DMTF1: variants seen among roughly 807,000 people sequenced by gnomAD.
DMTF1 encodes cyclin-D-binding Myb-like transcription factor 1.
A neutral mutation model predicts 91.1 loss-of-function variants in DMTF1; 39 were observed. The ratio of observed to expected loss-of-function variants is 0.43; its 90% confidence interval spans 0.33 to 0.56. The LOEUF (loss-of-function observed/expected upper bound fraction) is 0.56. Among genes scored for constraint, DMTF1 ranks in the 20% least tolerant of loss-of-function variants. DMTF1 has a pLI of 0.05. For synonymous variants in DMTF1, 338 were observed against 309.5 expected (o/e 1.09, Z -0.97); for missense variants, 750 against 914.5 (o/e 0.82, Z 2.32).
intron 4 of DMTF1, among the ~76,000 whole-genome samples, chr7:87,170,255 C>G (rs541867775): frequency 2.5e-4 from 38 of 152,308 alleles, no homozygotes; most frequent in African/African-American, 7.5e-4. Flanking sequence ...TGCCTTCACC[C>G]TAGTCCAAGC....
intron 8 of DMTF1, 55 bp downstream of exon 8, chr7:87,179,757 G>A: frequency 6.8e-7 from 1 of 1,477,628 alleles, no homozygotes; most frequent in East Asian, 2.5e-5. Context: ...AATATTTGAG[G>A]AACTGTCCAT....
chr7:87,195,158 G>A lies in DMTF1; in HGVS notation c.*18G>A, dbSNP rs370181911. ...GTCATTAGAATAATTCTTAGAAATA[G>A]GCAGTTCAAGCAAAGAAGGCACACT... On this transcript the variant is annotated 3_prime_UTR_variant, in exon 18 of 18. Coordinates refer to ENST00000331242, the MANE Select transcript of DMTF1 (RefSeq NM_001142327.2). 3.2e-6 allele frequency: 5 copies of A among 1,559,748 alleles called. No homozygotes were observed. In the South Asian group the frequency reaches 4.5e-5, roughly 14 times the overall value.
At chr7:87,182,876 G>T (rs1797658234) in intron 10 of DMTF1, among the ~76,000 whole-genome samples, 1 of 152,130 alleles carries the variant, frequency 6.6e-6, no homozygotes, top group Non-Finnish European at 1.5e-5. Flanking sequence ...GACCACAAAT[G>T]CCTCTTAATG....
At chr7:87,173,499 T>G in intron 5 of DMTF1, 36 bp from the exon 6 acceptor site, 1 of 1,432,386 alleles carries the variant, frequency 7.0e-7, no homozygotes, top group Non-Finnish European at 9.7e-7. Flanking sequence ...TTTTGTTTTG[T>G]TTTGTTTTGT....
At chr7:87,164,570 AAG>A (rs149431069) in intron 2 of DMTF1, among the ~76,000 whole-genome samples, 1,639 of 152,354 alleles carry the variant, frequency 0.011, 26 homozygotes, top group African/African-American at 0.037. Context: ...CTTAAAGAAA[AAG>A]AAGTTAAGTA....
In DMTF1 at chr7:87,173,544, A is replaced by C; in HGVS notation, c.337A>C (p.Asn113His). The C allele has an allele frequency of 1.2e-6, 2 of 1,602,098 alleles. No individual in the cohort carries two copies. The highest frequency in any genetic ancestry group is 2.2e-5 in the East Asian group (1 of 44,480). Residue 113 changes from asparagine to histidine, a missense_variant, in exon 6 of 18, where the codon AAT (asparagine) becomes CAT (histidine). Transcript: ENST00000331242. ...CTTTTACCTTTTCAAGATTTTGCAG[A>C]ATGAGCAACTAGATGAAATATCTCC... is the stretch of plus-strand genomic sequence containing the variant. ...GTVTQIQILQ[N>H]EQLDEISPLG...
rs1789374328 is a variant in DMTF1, at chr7:87,152,477, C to G, written c.-210C>G. 1 of 153,352 alleles carries G rather than the reference C, an allele frequency of 6.5e-6. No homozygotes were observed. Among genetic ancestry groups the G allele is most frequent in the Non-Finnish European group, 1.5e-5 (1 of 68,150 alleles). The allele number at this position is 153,352 out of a possible 1,614,324, so 9.5% of individuals were successfully genotyped here. ...CACTCCAGCTGCAGCCACTCTCGCC[C>G]GTGGCTGCTTCCTCCATCCTGGTAT... On this transcript the variant is annotated 5_prime_UTR_variant, in exon 1 of 18. Coordinates refer to ENST00000331242, the MANE Select transcript of DMTF1 (RefSeq NM_001142327.2).
In DMTF1 at chr7:87,184,740, T is replaced by C. The variant is rs183459322; in HGVS notation, c.1049+115T>C. ...TAGTGTCTGAAAAGTATCCTTTCCATAGAGCACTACTGTTTAAGATCTTAA... is the reference window on the plus strand; with the variant it reads ...TAGTGTCTGAAAAGTATCCTTTCCACAGAGCACTACTGTTTAAGATCTTAA... On this transcript the variant is annotated intron_variant, in intron 11 of 17. Transcript: ENST00000331242. 7.1e-5 allele frequency: 60 copies of C among 844,792 alleles called. No individual in the cohort carries two copies. In the East Asian group the frequency reaches 1.1e-3, roughly 15 times the overall value. The allele number at this position is 844,792 out of a possible 1,614,324, so 52.3% of individuals were successfully genotyped here.
intron 1 of DMTF1, among the ~76,000 whole-genome samples, chr7:87,158,993 G>A (rs1168290930): frequency 6.6e-6 from 1 of 152,022 alleles, no homozygotes. Flanking sequence ...CAGATTACAA[G>A]AAATGTTTCC....
chr7:87,184,420 A>G lies in DMTF1; in HGVS notation c.844A>G (p.Lys282Glu). ...AGGGAAGTGGACAGAAGAAGAAGAA[A>G]AGAGACTTGCAGAAGTGGTTCATGA... ...NTGKWTEEEEKRLAEVVHELT... is the reference protein window; with the variant it reads ...NTGKWTEEEEERLAEVVHELT... Residue 282 changes from lysine to glutamate, a missense_variant, in exon 11 of 18, where the codon AAG becomes GAG. Around this residue, in one of 3 missense-constraint regions of DMTF1, gnomAD observed 190 missense variants for 343.8 expected, o/e 0.55. Coordinates refer to ENST00000331242, the MANE Select transcript of DMTF1 (RefSeq NM_001142327.2). 6.2e-7 allele frequency: 1 copy of G among 1,613,842 alleles called. No homozygotes were observed. The highest frequency in any genetic ancestry group is 8.5e-7 in the Non-Finnish European group (1 of 1,179,852).
At chr7:87,193,100 G>A (rs1800262869) in intron 14 of DMTF1, 98 bp from the exon 15 acceptor site, 3 of 1,284,808 alleles carry the variant, frequency 2.3e-6, no homozygotes, top group East Asian at 2.4e-5. Context: ...CCTTCACAAT[G>A]GGTAAGTACA....
intron 8 of DMTF1, among the ~76,000 whole-genome samples, 193 bp downstream of exon 8, chr7:87,179,895 C>T (rs553104981): frequency 1.8e-4 from 28 of 152,230 alleles, no homozygotes; most frequent in African/African-American, 6.7e-4. Context: ...ATCTAATTCA[C>T]TTTATATAGG....
At chr7:87,163,812 T>C (rs1730064431) in intron 2 of DMTF1, among the ~76,000 whole-genome samples, 195 bp downstream of exon 2, 1 of 152,330 alleles carries the variant, frequency 6.6e-6, no homozygotes, top group African/African-American at 2.4e-5. Context: ...GTTAATATAT[T>C]TAAGTTTTTG....
At chr7:87,183,019 G>C (rs1157894442) in intron 10 of DMTF1, among the ~76,000 whole-genome samples, 2 of 151,978 alleles carry the variant, frequency 1.3e-5, no homozygotes, top group South Asian at 4.1e-4. Context: ...TAGAGTAGGT[G>C]GTCTCATAGT....
At chr7:87,173,683 A>G (rs1795615578) in intron 6 of DMTF1, 34 bp downstream of exon 6, 1 of 1,370,972 alleles carries the variant, frequency 7.3e-7, no homozygotes, top group Non-Finnish European at 1.0e-6. Context: ...GTGCCTAGTG[A>G]AAAAAAATGG....
chr7:87,171,438 A>G (rs2129096943), intron 5 of DMTF1, among the ~76,000 whole-genome samples: 1 of 152,290 alleles, frequency 6.6e-6, no homozygotes, highest in South Asian at 2.1e-4. Context: ...CCCCTCAGAA[A>G]TAGTCTGTTT....
intron 10 of DMTF1, among the ~76,000 whole-genome samples, chr7:87,184,169 G>A (rs1797939973): frequency 6.6e-6 from 1 of 152,068 alleles, no homozygotes; most frequent in Non-Finnish European, 1.5e-5. Context: ...TTCATAATTG[G>A]TCAGTGCTTT....
chr7:87,184,888 A>G, intron 11 of DMTF1: 1 of 572,456 alleles, frequency 1.7e-6, no homozygotes, highest in Admixed American at 2.2e-5. Context: ...ATATCCACAG[A>G]ACAGGTATGG....
chr7:87,179,079 A>G (rs1796835724), intron 7 of DMTF1, among the ~76,000 whole-genome samples: 1 of 151,956 alleles, frequency 6.6e-6, no homozygotes. Flanking sequence ...GTCTCTATTT[A>G]GGCCTCATTT....
Sources: allele counts gnomAD v4.1 joint callset (sites outside exome capture counted in the v4.1 genomes callset), GRCh38; gene constraint gnomAD v4.1.1; regional missense constraint gnomAD v4.1.1; transcripts MANE v1.5; gene names NCBI Gene and HGNC (gene_info 2026-07-23, HGNC 2026-07-21).